CILK1: variants seen among roughly 807,000 people sequenced by gnomAD.
CILK1 encodes the protein ciliogenesis associated kinase 1, also known as serine/threonine-protein kinase ICK.
A neutral mutation model predicts 79.2 loss-of-function variants in CILK1; 47 were observed. The observed-to-expected ratio is 0.59, with a 90% CI of 0.47 to 0.76. The LOEUF (loss-of-function observed/expected upper bound fraction) is 0.76, where lower values mean the gene tolerates loss of function less well. CILK1 is among the 30% of genes least tolerant of loss of function. The pLI is 0.00. For synonymous variants in CILK1, 266 were observed against 275.9 expected, an observed-to-expected ratio of 0.96 and a Z score of 0.36; for missense variants, 660 against 769.5, an observed-to-expected ratio of 0.86 and a Z score of 1.68.
In CILK1 at chr6:53,012,051, A is replaced by AT; in HGVS notation, c.1328dup (p.Asp443GlufsTer2). 1 of 1,614,056 alleles carries AT rather than the reference A, an allele frequency of 6.2e-7. No homozygotes were observed. On this transcript the variant is annotated frameshift_variant, in exon 10 of 14. Coordinates refer to ENST00000676107, the MANE Select transcript of CILK1 (RefSeq NM_014920.5). LOFTEE classifies it high-confidence loss of function. ...AGCACACTTGCCTGCAGAGAGTGTC[A>AT]TCACTCTGTCTTTTCTTGTTTTTCA...
chr6:53,033,964 A>G (rs1766141980), intron 3 of CILK1, among the ~76,000 whole-genome samples: 1 of 152,212 alleles, frequency 6.6e-6, no homozygotes, highest in Non-Finnish European at 1.5e-5. Context: ...GTTTTGCTAG[A>G]TCCTTCTAGT....
intron 12 of CILK1, among the ~76,000 whole-genome samples, chr6:53,008,656 C>G (rs1764383048): frequency 6.6e-6 from 1 of 152,070 alleles, no homozygotes; most frequent in Middle Eastern, 3.2e-3. Context: ...AAACTCCTGA[C>G]CTCAAGTGAT....
Position 53,050,523 on chromosome 6 carries a change from T to C in CILK1, c.-172-9115A>G, listed in dbSNP as rs184935539. On this transcript the variant is annotated intron_variant, in intron 1 of 13. Coordinates refer to ENST00000676107, the MANE Select transcript of CILK1 (RefSeq NM_014920.5). ...AGTATATATGTAAATATGTGACATA[T>C]TTATTTTATAAAATTATATAGGCTG... Among the ~76,000 whole-genome samples, 4 of 150,474 alleles carry C rather than the reference T, an allele frequency of 2.7e-5. No individual in the cohort carries two copies. In the East Asian group the frequency reaches 7.7e-4, roughly 29 times the overall value.
In CILK1 at chr6:53,005,123, A is replaced by C. The variant is rs1565699; in HGVS notation, c.*26T>G. ...GGAAAGTATCCTGCTTCTCCCTAGGAAGAGATTCATCACCAAGGCAGACAG... is the reference window on the plus strand; with the variant it reads ...GGAAAGTATCCTGCTTCTCCCTAGGCAGAGATTCATCACCAAGGCAGACAG... On this transcript the variant is annotated 3_prime_UTR_variant, in exon 14 of 14. Transcript: ENST00000676107. 1.5e-3 allele frequency: 2,413 copies of C among 1,613,750 alleles called. 6 individuals are homozygous for C. The highest frequency in any genetic ancestry group is 1.9e-3 in the Non-Finnish European group (2,264 of 1,179,844).
Position 53,012,030 on chromosome 6 carries a change from C to T in CILK1, c.1343+7G>A. 1 of 1,614,112 alleles carries T rather than the reference C, an allele frequency of 6.2e-7. No individual in the cohort carries two copies. On this transcript the variant is annotated splice_region_variant and intron_variant, in intron 10 of 13. Coordinates refer to ENST00000676107, the MANE Select transcript of CILK1 (RefSeq NM_014920.5). ...AGTCTGTTTACAAATGTGAGCAGCA[C>T]ACTTGCCTGCAGAGAGTGTCATCAC...
intron 1 of CILK1, among the ~76,000 whole-genome samples, chr6:53,045,720 A>C (rs535035380): frequency 6.7e-6 from 1 of 150,200 alleles, no homozygotes; most frequent in East Asian, 2.0e-4. Context: ...CTGTGTATGA[A>C]TCCTCCATCA....
At chr6:53,023,383 A>G (rs960620998) in intron 5 of CILK1, among the ~76,000 whole-genome samples, 4 of 152,162 alleles carry the variant, frequency 2.6e-5, no homozygotes, top group Non-Finnish European at 4.4e-5. Flanking sequence ...AGGGAACATT[A>G]AACAGCTTAA....
intron 1 of CILK1, among the ~76,000 whole-genome samples, chr6:53,058,811 C>A (rs746910873): frequency 2.0e-5 from 3 of 151,870 alleles, no homozygotes; most frequent in Non-Finnish European, 4.4e-5. Context: ...ATCCCACAAG[C>A]AGAAAAATGC....
intron 1 of CILK1, among the ~76,000 whole-genome samples, chr6:53,050,519 CAT>C (rs1278005615): frequency 1.3e-5 from 2 of 150,964 alleles, no homozygotes; most frequent in Non-Finnish European, 2.9e-5. Flanking sequence ...AAATATGTGA[CAT>C]ATTTATTTTA....
chr6:53,018,398 G>C lies in CILK1; in HGVS notation c.595C>G (p.Leu199Val), dbSNP rs1243732843. 6.2e-7 allele frequency: 1 copy of C among 1,614,058 alleles called. No homozygotes were observed. The highest frequency in any genetic ancestry group is 8.5e-7 in the Non-Finnish European group (1 of 1,180,038). The change falls in exon 7 of 14, where the codon CTC becomes GTC. Residue 199 changes from leucine to valine, a missense_variant. Leu to Val is a conservative substitution (Grantham distance 32, BLOSUM62 1). Coordinates refer to ENST00000676107, the MANE Select transcript of CILK1 (RefSeq NM_014920.5). ...IMAEVYTLRP[L>V]FPGASEIDTI... ...TCAATTTCACTGGCTCCAGGGAAGA[G>C]TGGCCTGAGGGTGTAAACTTCTGCC...
At chr6:53,030,582 C>A (rs1045101769) in intron 5 of CILK1, among the ~76,000 whole-genome samples, 1 of 152,094 alleles carries the variant, frequency 6.6e-6, no homozygotes, top group African/African-American at 2.4e-5. Context: ...TCTTGTTTTG[C>A]CTTTGTCTCT....
intron 13 of CILK1, 88 bp downstream of exon 13, chr6:53,006,227 T>A: frequency 3.2e-6 from 4 of 1,269,404 alleles, no homozygotes; most frequent in Non-Finnish European, 4.6e-6. Flanking sequence ...TATTGGTGGA[T>A]CCCAGGCCTA....
intron 1 of CILK1, among the ~76,000 whole-genome samples, chr6:53,045,791 T>TAAAA (rs34673433): frequency 0.019 from 2,105 of 113,056 alleles, 56 homozygotes; most frequent in East Asian, 0.023. Context: ...GTCATCTTCC[T>TAAAA]AAAAAAAAAA....
Position 53,012,051 on chromosome 6 carries a change from A to G in CILK1, c.1329T>C (p.Asp443=). The change falls in exon 10 of 14, where the codon GAT becomes GAC. Residue 443 remains aspartate, a synonymous_variant. Transcript: ENST00000676107. ...AGCACACTTGCCTGCAGAGAGTGTC[A>G]TCACTCTGTCTTTTCTTGTTTTTCA... ...IDLKNKKRQS[D]DTLCRFESVL... The G allele has an allele frequency of 6.2e-7, 1 of 1,614,056 alleles. No homozygotes were observed. The highest frequency in any genetic ancestry group is 8.5e-7 in the Non-Finnish European group (1 of 1,179,900).
At chr6:53,029,540 C>T (rs1014553280) in intron 5 of CILK1, among the ~76,000 whole-genome samples, 2 of 152,178 alleles carry the variant, frequency 1.3e-5, no homozygotes, top group African/African-American at 2.4e-5. Flanking sequence ...GCAGCTACCT[C>T]AGAAGTAAAG....
intron 3 of CILK1, among the ~76,000 whole-genome samples, chr6:53,035,096 C>T (rs1766233371): frequency 6.6e-6 from 1 of 152,146 alleles, no homozygotes; most frequent in African/African-American, 2.4e-5. Flanking sequence ...CTGAGTTCTT[C>T]TGGTGAATCT....
intron 5 of CILK1, among the ~76,000 whole-genome samples, chr6:53,028,750 C>A (rs908024626): frequency 2.6e-5 from 4 of 152,138 alleles, no homozygotes; most frequent in African/African-American, 9.7e-5. Flanking sequence ...TGGAGGGAAA[C>A]ACAGTGCAGA....
At chr6:53,058,809 A>G (rs1768160432) in intron 1 of CILK1, among the ~76,000 whole-genome samples, 1 of 152,128 alleles carries the variant, frequency 6.6e-6, no homozygotes, top group African/African-American at 2.4e-5. Flanking sequence ...AGATCCCACA[A>G]GCAGAAAAAT....
rs963930098 is a variant in CILK1, at chr6:53,061,821, AAAC to A, written c.-401_-399del. 1 of 152,300 alleles carries A rather than the reference AAAC, an allele frequency of 6.6e-6. No individual in the cohort carries two copies. The highest frequency in any genetic ancestry group is 2.4e-5 in the African/African-American group (1 of 41,470). The allele number at this position is 152,300 out of a possible 1,614,324, so 9.4% of individuals were successfully genotyped here. ...GTTTTCCAGCCTCCGGCAGGAAAAC[AAAC>A]AAAAGGCTGGGTGGCTTCTACTGGG... is the stretch of plus-strand genomic sequence containing the variant. On this transcript the variant is annotated 5_prime_UTR_variant, in exon 1 of 14. Transcript: ENST00000676107.
Sources: gnomAD v4.1 joint callset for allele counts (sites outside exome capture counted in the v4.1 genomes callset) on GRCh38, gnomAD v4.1.1 for gene constraint, MANE v1.5 for transcripts, NCBI Gene and HGNC (gene_info 2026-07-23, HGNC 2026-07-21) for gene names.